The following ALG14 variants were observed in gnomAD, a reference collection of about 807,000 sequenced individuals.
ALG14 encodes ALG14 UDP-N-acetylglucosaminyltransferase subunit.
A neutral mutation model predicts 22.8 loss-of-function variants in ALG14; 17 were observed. The observed-to-expected ratio is 0.75, with a 90% CI of 0.51 to 1.12. ALG14 has a LOEUF of 1.12. ALG14 is among the 50% of genes most tolerant of loss of function. The pLI is 0.00. For missense variants in ALG14, 288 were observed against 271.8 expected (o/e 1.06, Z -0.42); for synonymous variants, 89 against 103.7 (o/e 0.86, Z 0.86).
At chr1:95,056,008 CA>C (rs71588538) in intron 2 of ALG14, among the ~76,000 whole-genome samples, 40 of 107,110 alleles carry the variant, frequency 3.7e-4, no homozygotes, top group South Asian at 2.1e-3. Flanking sequence ...GACTCTGTCT[CA>C]AAAAAAAAAA....
intron 3 of ALG14, among the ~76,000 whole-genome samples, chr1:95,003,675 G>A (rs1406914745): frequency 6.6e-6 from 1 of 151,966 alleles, no homozygotes; most frequent in Admixed American, 6.6e-5. Flanking sequence ...GCCTAGGGTG[G>A]TCTTGAACTC....
intron 1 of ALG14, among the ~76,000 whole-genome samples, chr1:95,071,965 C>T (rs1675580659): frequency 6.6e-6 from 1 of 152,300 alleles, no homozygotes; most frequent in Admixed American, 6.5e-5. Context: ...GGACTTAGCA[C>T]GGAGTCAGCA....
chr1:94,991,967 T>C (rs977964720), intron 3 of ALG14, among the ~76,000 whole-genome samples: 3 of 152,072 alleles, frequency 2.0e-5, no homozygotes, highest in Admixed American at 2.0e-4. Flanking sequence ...CCTCCACATC[T>C]TGTCCCACTG....
At chr1:95,058,616 TAAAAAAAAA>T (rs61435505) in intron 2 of ALG14, among the ~76,000 whole-genome samples, 5 of 99,314 alleles carry the variant, frequency 5.0e-5, no homozygotes, top group African/African-American at 2.0e-4. Flanking sequence ...GATTCATTCT[TAAAAAAAAA>T]AAAAAAAAAA....
rs1239476052 is a variant in ALG14 at position 94,976,791 on chromosome 1, A to G, written c.*6285T>C. 1 of 152,206 alleles carries G rather than the reference A, an allele frequency of 6.6e-6. No individual in the cohort carries two copies. Among genetic ancestry groups the G allele is most frequent in the African/African-American group, 2.4e-5 (1 of 41,438 alleles). 9.4% of individuals were successfully genotyped at this position (152,206 alleles called of 1,614,324 possible). ...AGTATGGGTGGGATCTGTGAATATC[A>G]TGACATGTCATTCCTCTGATTATGT... On this transcript the variant is annotated 3_prime_UTR_variant, in exon 4 of 4. Coordinates refer to ENST00000370205, the MANE Select transcript of ALG14 (RefSeq NM_144988.4).
intron 3 of ALG14, among the ~76,000 whole-genome samples, chr1:94,996,873 G>A (rs145166701): frequency 0.011 from 1,624 of 152,076 alleles, 12 homozygotes; most frequent in Non-Finnish European, 0.017. Context: ...GTAGAGACAG[G>A]GTTTCACCGT....
intron 2 of ALG14, among the ~76,000 whole-genome samples, chr1:95,052,140 T>C (rs56032536): frequency 0.046 from 6,988 of 152,194 alleles, 212 homozygotes; most frequent in South Asian, 0.083. Flanking sequence ...AACCAAGACA[T>C]ATTTTCAGGT....
At chr1:95,068,873 T>C (rs183294319) in intron 1 of ALG14, among the ~76,000 whole-genome samples, 1 of 152,260 alleles carries the variant, frequency 6.6e-6, no homozygotes, top group Admixed American at 6.5e-5. Flanking sequence ...CTAACATCCA[T>C]CCATTTGTTC....
chr1:95,032,773 T>A (rs1009432550), intron 2 of ALG14, among the ~76,000 whole-genome samples: 1 of 152,182 alleles, frequency 6.6e-6, no homozygotes, highest in Non-Finnish European at 1.5e-5. Flanking sequence ...TGCCCTCAGA[T>A]TACCTATACT....
At chr1:95,000,535 TAAAAAAAAAA>T (rs71588535) in intron 3 of ALG14, among the ~76,000 whole-genome samples, 1 of 70,618 alleles carries the variant, frequency 1.4e-5, no homozygotes. Flanking sequence ...GACCCTGTCC[TAAAAAAAAAA>T]AAAAAAAAAA....
At chr1:95,024,143 A>AT (rs892492980) in intron 3 of ALG14, among the ~76,000 whole-genome samples, 5 of 152,054 alleles carry the variant, frequency 3.3e-5, no homozygotes, top group Non-Finnish European at 7.4e-5. Context: ...GATCCGGCTA[A>AT]TTTTTTTGTA....
At chr1:95,039,127 G>C (rs1014303732) in intron 2 of ALG14, among the ~76,000 whole-genome samples, 1 of 152,182 alleles carries the variant, frequency 6.6e-6, no homozygotes. Context: ...GGTGTGGTTG[G>C]TGAAGGGTCT....
chr1:94,986,912 C>G (rs1210199771), intron 3 of ALG14, among the ~76,000 whole-genome samples: 1 of 152,000 alleles, frequency 6.6e-6, no homozygotes, highest in Non-Finnish European at 1.5e-5. Flanking sequence ...TGACTCCAGT[C>G]TGACCAATCA....
chr1:95,072,754 G>A lies in ALG14; in HGVS notation c.136+9C>T. 5.6e-6 allele frequency: 9 copies of A among 1,609,482 alleles called. No homozygotes were observed. The highest frequency in any genetic ancestry group is 7.6e-6 in the Non-Finnish European group (9 of 1,178,356). On this transcript the variant is annotated intron_variant, in intron 1 of 3. Coordinates refer to ENST00000370205, the MANE Select transcript of ALG14 (RefSeq NM_144988.4). ...ACCCAAGTCCGACAGTCGCCTCCTCGATACTTACCGGACCCAGCCACTACC... is the reference window on the plus strand; with the variant it reads ...ACCCAAGTCCGACAGTCGCCTCCTCAATACTTACCGGACCCAGCCACTACC...
At position 94,981,372 on chromosome 1, in the gene ALG14, C is replaced by T. The variant is rs1189854061; in HGVS notation, c.*1704G>A. ...CTGAGACACCTTCGGCTACACATTT[C>T]TCCAGCCAAAAACCTAGGAAGATGT... On this transcript the variant is annotated 3_prime_UTR_variant, in exon 4 of 4. Coordinates refer to ENST00000370205, the MANE Select transcript of ALG14 (RefSeq NM_144988.4). 1 of 151,770 alleles carries T rather than the reference C, an allele frequency of 6.6e-6. No homozygotes were observed. Among genetic ancestry groups the T allele is most frequent in the East Asian group, 1.9e-4 (1 of 5,164 alleles). The allele number at this position is 151,770 out of a possible 1,614,324, so 9.4% of individuals were successfully genotyped here.
intron 3 of ALG14, among the ~76,000 whole-genome samples, chr1:95,002,923 C>G (rs1673106809): frequency 6.6e-6 from 1 of 152,158 alleles, no homozygotes; most frequent in South Asian, 2.1e-4. Context: ...CTTTTTTCCC[C>G]TTACTAAAGT....
At chr1:95,033,506 T>C (rs1674088990) in intron 2 of ALG14, among the ~76,000 whole-genome samples, 1 of 151,618 alleles carries the variant, frequency 6.6e-6, no homozygotes, top group South Asian at 2.1e-4. Flanking sequence ...TATATTTGTA[T>C]TCCTCTATCC....
At chr1:95,066,066 C>T (rs137886252) in intron 1 of ALG14, among the ~76,000 whole-genome samples, 9 of 152,240 alleles carry the variant, frequency 5.9e-5, no homozygotes, top group East Asian at 1.9e-4. Context: ...TCACCTTATT[C>T]GTTACTCACT....
At chr1:95,057,211 A>G (rs1200942728) in intron 2 of ALG14, among the ~76,000 whole-genome samples, 4 of 151,614 alleles carry the variant, frequency 2.6e-5, no homozygotes, top group Non-Finnish European at 5.9e-5. Context: ...ATGGAAATAT[A>G]TTGTCAATGT....
Sources: allele counts gnomAD v4.1 joint callset (sites outside exome capture counted in the v4.1 genomes callset), GRCh38; gene constraint gnomAD v4.1.1; transcripts MANE v1.5; gene names NCBI Gene and HGNC (gene_info 2026-07-23, HGNC 2026-07-21).